Variants in RIMS2 observed in about 807,000 individuals in gnomAD.
The protein encoded by RIMS2 is regulating synaptic membrane exocytosis 2.
RIMS2 carries 59 observed loss-of-function variants against 174.4 expected under a neutral mutation model. That is an observed-to-expected ratio of 0.34 (90% CI 0.27 to 0.42). The LOEUF is 0.42. Among genes scored for constraint, RIMS2 ranks in the 10% least tolerant of loss-of-function variants. The pLI, the probability that RIMS2 is intolerant of heterozygous loss-of-function variation, is 1.00. For synonymous variants in RIMS2, 606 were observed against 572.5 expected, an observed-to-expected ratio of 1.06 and a Z score of -0.84; for missense variants, 1,620 against 1,666.3, an observed-to-expected ratio of 0.97 and a Z score of 0.48.
At position 103,838,059 on chromosome 8, in the gene RIMS2, G is replaced by A. The variant is rs143442600; in HGVS notation, c.699-47239G>A. On this transcript the variant is annotated intron_variant, in intron 3 of 23. Transcript: ENST00000504942. ...CCTCCCTGGCTCAAGTGATTCTACC[G>A]CCTCAGGCCCCCCAGTAGCTGGGAC... Among the ~76,000 whole-genome samples the A allele has an allele frequency of 1.1e-4, 16 of 150,448 alleles. No individual in the cohort carries two copies. The South Asian group carries it at 1.3e-3, about 12-fold the overall frequency.
At chr8:103,670,009 G>A (rs1423146537) in intron 1 of RIMS2, among the ~76,000 whole-genome samples, 2 of 152,184 alleles carry the variant, frequency 1.3e-5, no homozygotes, top group African/African-American at 2.4e-5. Flanking sequence ...TTCTTATGAG[G>A]GCCCTGCCCC....
In RIMS2 at chr8:103,795,620, G is replaced by A. The variant is rs573004440; in HGVS notation, c.698+29083G>A. On this transcript the variant is annotated intron_variant, in intron 3 of 23. Transcript: ENST00000504942. ...TAAGAAGTACAAAGAAAAAAAAGAG[G>A]ATAAGCCTGTATTTATCGTTTTTCC... Among the ~76,000 whole-genome samples, 5 of 151,768 alleles carry A rather than the reference G, an allele frequency of 3.3e-5. No individual in the cohort carries two copies. The South Asian group carries it at 8.3e-4, about 25-fold the overall frequency.
intron 8 of RIMS2, among the ~76,000 whole-genome samples, chr8:103,917,616 A>G (rs1030673705): frequency 2.0e-5 from 3 of 152,154 alleles, no homozygotes; most frequent in African/African-American, 7.2e-5. Context: ...CCCTTGTGTC[A>G]AATCTCAAAT....
intron 19 of RIMS2, among the ~76,000 whole-genome samples, chr8:104,023,596 A>G (rs1034666243): frequency 6.6e-6 from 1 of 152,220 alleles, no homozygotes; most frequent in East Asian, 1.9e-4. Context: ...TGAGAATAAT[A>G]GGTTGAGTGG....
intron 3 of RIMS2, among the ~76,000 whole-genome samples, chr8:103,801,315 G>GT (rs1442949089): frequency 1.3e-5 from 2 of 152,110 alleles, no homozygotes; most frequent in Non-Finnish European, 2.9e-5. Context: ...TATGAATTCA[G>GT]TTTTTTCAAT....
chr8:103,967,195 T>TTG (rs1565580914), intron 15 of RIMS2, among the ~76,000 whole-genome samples: 48 of 137,458 alleles, frequency 3.5e-4, no homozygotes, highest in African/African-American at 1.3e-3. Flanking sequence ...TTTTTTTTTT[T>TTG]TTTTTGAGAT....
chr8:103,833,377 T>C (rs1304041400), intron 3 of RIMS2, among the ~76,000 whole-genome samples: 2 of 152,156 alleles, frequency 1.3e-5, no homozygotes, highest in Non-Finnish European at 2.9e-5. Context: ...GGGTTGGCTG[T>C]GCTTTGTATG....
intron 19 of RIMS2, among the ~76,000 whole-genome samples, chr8:104,087,378 C>CATGGATGGATGG: frequency 6.6e-6 from 1 of 151,978 alleles, no homozygotes; most frequent in African/African-American, 2.4e-5. Flanking sequence ...ATGATTGATA[C>CATGGATGGATGG]ATGGATGGAT....
chr8:103,504,171 G>GT lies in RIMS2; in HGVS notation c.176+3118dup, dbSNP rs1050928854. 8.8e-5 allele frequency among the ~76,000 whole-genome samples: 13 copies of GT among 147,010 alleles called. 1 individual carries two copies. Among genetic ancestry groups the GT allele is most frequent in the South Asian group, 4.3e-4 (2 of 4,702 alleles). On this transcript the variant is annotated intron_variant, in intron 1 of 23. Coordinates refer to ENST00000504942, the Ensembl canonical transcript of RIMS2. ...TTATAATGTCCTTTTACTGACTAATGTTTTTTTTTCAATCTTCCAAGACAT... is the reference window on the plus strand; with the variant it reads ...TTATAATGTCCTTTTACTGACTAATGTTTTTTTTTTCAATCTTCCAAGACAT...
intron 19 of RIMS2, among the ~76,000 whole-genome samples, chr8:104,143,369 G>A (rs1336578017): frequency 6.6e-6 from 1 of 152,152 alleles, no homozygotes; most frequent in Non-Finnish European, 1.5e-5. Context: ...GAGAACTTTA[G>A]ACAGAAGCCA....
At chr8:104,166,174 C>T (rs576560659) in intron 19 of RIMS2, among the ~76,000 whole-genome samples, 122 of 149,996 alleles carry the variant, frequency 8.1e-4, no homozygotes, top group African/African-American at 3.0e-3. Context: ...TCACGCCATT[C>T]TCCTGCCTCA....
chr8:103,679,188 C>T (rs1336249071), intron 1 of RIMS2, among the ~76,000 whole-genome samples: 1 of 151,980 alleles, frequency 6.6e-6, no homozygotes, highest in African/African-American at 2.4e-5. Flanking sequence ...GGATTCTCCC[C>T]TTCCCCCGAA....
At chr8:103,546,114 T>C (rs1844955701) in intron 1 of RIMS2, among the ~76,000 whole-genome samples, 1 of 152,082 alleles carries the variant, frequency 6.6e-6, no homozygotes, top group South Asian at 2.1e-4. Context: ...CAAGACCCAA[T>C]TGTATGTTGT....
At chr8:104,163,505 A>G (rs561500308) in intron 19 of RIMS2, among the ~76,000 whole-genome samples, 7 of 152,310 alleles carry the variant, frequency 4.6e-5, no homozygotes, top group African/African-American at 1.7e-4. Context: ...ATACTAACCT[A>G]CTATGGCTCA....
chr8:104,066,961 T>G (rs2097115390), intron 19 of RIMS2, among the ~76,000 whole-genome samples: 1 of 152,144 alleles, frequency 6.6e-6, no homozygotes, highest in South Asian at 2.1e-4. Flanking sequence ...ACAAGAACTA[T>G]CTAATATGCA....
At chr8:104,030,161 G>A (rs1215447269) in intron 19 of RIMS2, among the ~76,000 whole-genome samples, 1 of 152,032 alleles carries the variant, frequency 6.6e-6, no homozygotes, top group African/African-American at 2.4e-5. Context: ...CCAGAGCATT[G>A]TGTATGGCAT....
At chr8:104,167,657 A>G (rs553250229) in intron 19 of RIMS2, among the ~76,000 whole-genome samples, 12 of 152,164 alleles carry the variant, frequency 7.9e-5, no homozygotes, top group Non-Finnish European at 1.6e-4. Context: ...TTCTTTTGCT[A>G]TACAGAAGCT....
intron 2 of RIMS2, among the ~76,000 whole-genome samples, chr8:103,726,843 A>G (rs2097532815): frequency 6.6e-6 from 1 of 150,464 alleles, no homozygotes; most frequent in South Asian, 2.1e-4. Context: ...AGTTCAAGCA[A>G]TTCTCCTGCC....
At chr8:104,101,796 TA>T (rs151142192) in intron 19 of RIMS2, among the ~76,000 whole-genome samples, 3,116 of 152,326 alleles carry the variant, frequency 0.02, 112 homozygotes, top group African/African-American at 0.071. Flanking sequence ...TGTATGCTGC[TA>T]AATTTAGTTA....
Sources: allele counts gnomAD v4.1 joint callset (sites outside exome capture counted in the v4.1 genomes callset), GRCh38; gene constraint gnomAD v4.1.1; transcripts MANE v1.5; gene names NCBI Gene and HGNC (gene_info 2026-07-23, HGNC 2026-07-21).